The following TPTE variants were observed in gnomAD, a reference collection of about 807,000 sequenced individuals.
TPTE encodes the protein putative tyrosine-protein phosphatase TPTE.
TPTE carries 59 observed loss-of-function variants against 84.1 expected under a neutral mutation model. The observed-to-expected ratio is 0.70, with a 90% confidence interval of 0.57 to 0.87. The LOEUF (loss-of-function observed/expected upper bound fraction) is 0.87. TPTE is among the 40% of genes least tolerant of loss of function. The pLI, the probability that TPTE is intolerant of heterozygous loss-of-function variation, is 0.00. For synonymous variants in TPTE, 130 were observed against 223.5 expected (o/e 0.58, Z 3.73); for missense variants, 382 against 659.6 (o/e 0.58, Z 4.61).
intron 5 of TPTE, among the ~76,000 whole-genome samples, chr21:10,542,084 T>G (rs1237919736): frequency 3.3e-5 from 5 of 152,308 alleles, no homozygotes; most frequent in African/African-American, 4.8e-5. Context: ...GCTGACTACC[T>G]ACAAATTGGA....
rs542390363 is a variant in TPTE at position 10,560,222 on chromosome 21, C to T, written c.284+678C>T. On this transcript the variant is annotated intron_variant, in intron 9 of 23. Transcript: ENST00000618007. ...TATTAGTAAAGTGTTTTATTAGTACCTTATACATCAGGAATTACTCTTTAA... is the reference window on the plus strand; with the variant it reads ...TATTAGTAAAGTGTTTTATTAGTACTTTATACATCAGGAATTACTCTTTAA... Among the ~76,000 whole-genome samples the T allele has an allele frequency of 2.0e-5, 3 of 152,418 alleles. No individual in the cohort carries two copies. In the South Asian group the frequency reaches 6.2e-4, roughly 32 times the overall value.
intron 1 of TPTE, among the ~76,000 whole-genome samples, chr21:10,523,117 T>G (rs1243118403): frequency 6.6e-6 from 1 of 152,306 alleles, no homozygotes; most frequent in African/African-American, 2.4e-5. Context: ...AGCTGAACAC[T>G]TGATGTAAAC....
At chr21:10,586,829 C>T (rs1475429082) in intron 17 of TPTE, among the ~76,000 whole-genome samples, 1 of 152,428 alleles carries the variant, frequency 6.6e-6, no homozygotes, top group South Asian at 2.1e-4. Flanking sequence ...TTACTTACTA[C>T]ACTGACTTTC....
intron 10 of TPTE, 137 bp from the exon 11 acceptor site, chr21:10,567,533 A>C: frequency 3.4e-6 from 5 of 1,468,292 alleles, no homozygotes; most frequent in Non-Finnish European, 4.6e-6. Context: ...CCCTTAGTCT[A>C]CTCTAGAAAA....
intron 17 of TPTE, among the ~76,000 whole-genome samples, chr21:10,585,986 C>T (rs2075356822): frequency 6.6e-6 from 1 of 152,300 alleles, no homozygotes; most frequent in South Asian, 2.1e-4. Context: ...AGTAGTCTTA[C>T]CACGGATTTA....
At chr21:10,540,384 T>A (rs1427488093) in intron 4 of TPTE, among the ~76,000 whole-genome samples, 1 of 152,426 alleles carries the variant, frequency 6.6e-6, no homozygotes, top group South Asian at 2.1e-4. Flanking sequence ...ATTGTTTTGT[T>A]TTTTGGATGG....
chr21:10,558,584 G>A (rs1407015957), intron 8 of TPTE, among the ~76,000 whole-genome samples: 2 of 152,306 alleles, frequency 1.3e-5, no homozygotes, highest in African/African-American at 2.4e-5. Context: ...AAGGCCAATT[G>A]TCAGTGCCCC....
At chr21:10,558,946 G>A (rs1218955527) in intron 8 of TPTE, among the ~76,000 whole-genome samples, 11 of 152,304 alleles carry the variant, frequency 7.2e-5, no homozygotes, top group Admixed American at 7.2e-4. Flanking sequence ...CTCCTTTGAA[G>A]TATATCTTAC....
chr21:10,563,376 A>G (rs1215406450), intron 10 of TPTE, among the ~76,000 whole-genome samples: 2 of 152,312 alleles, frequency 1.3e-5, no homozygotes, highest in East Asian at 1.9e-4. Flanking sequence ...CACTGTAACT[A>G]TGATGTATAA....
intron 14 of TPTE, among the ~76,000 whole-genome samples, chr21:10,576,838 C>CAT (rs56285862): frequency 0.047 from 6,268 of 132,900 alleles, 1 homozygote; most frequent in Non-Finnish European, 0.067. Context: ...TACATATATA[C>CAT]ATATATATAT....
intron 7 of TPTE, among the ~76,000 whole-genome samples, chr21:10,544,331 T>G (rs546088308): frequency 6.6e-6 from 1 of 152,428 alleles, no homozygotes; most frequent in African/African-American, 2.4e-5. Flanking sequence ...AATAAATTTT[T>G]AAAAGAATTT....
chr21:10,531,863 T>C (rs569150386), intron 3 of TPTE, among the ~76,000 whole-genome samples: 1 of 152,428 alleles, frequency 6.6e-6, no homozygotes, highest in African/African-American at 2.4e-5. Flanking sequence ...GGTGGGGATT[T>C]GGTTTCATTT....
chr21:10,586,301 G>GT (rs58633013), intron 17 of TPTE, among the ~76,000 whole-genome samples: 3,568 of 148,980 alleles, frequency 0.024, no homozygotes, highest in South Asian at 0.034. Context: ...CTTTGTGCTT[G>GT]TTTTTTTTTT....
At chr21:10,549,565 C>T (rs1278029990) in intron 7 of TPTE, among the ~76,000 whole-genome samples, 1 of 152,300 alleles carries the variant, frequency 6.6e-6, no homozygotes, top group Non-Finnish European at 1.5e-5. Flanking sequence ...AAAATACAAT[C>T]AATGGCTTTA....
intron 2 of TPTE, among the ~76,000 whole-genome samples, chr21:10,525,302 C>G (rs1258744278): frequency 6.6e-6 from 1 of 152,304 alleles, no homozygotes; most frequent in Non-Finnish European, 1.5e-5. Flanking sequence ...ACAGCCCACC[C>G]TTGCATAAAC....
intron 7 of TPTE, among the ~76,000 whole-genome samples, chr21:10,551,082 C>A (rs1347556915): frequency 6.6e-6 from 1 of 152,302 alleles, no homozygotes; most frequent in Non-Finnish European, 1.5e-5. Context: ...TATACCAAAA[C>A]AGGGGACGCA....
chr21:10,590,497 G>T lies in TPTE; in HGVS notation c.1063G>T (p.Ala355Ser), dbSNP rs757306400. ...AACTATGGTTTGTGCCTTCCTTATT[G>T]CCTCTGAAATATGTTCAACTGCAAA... is the stretch of plus-strand genomic sequence containing the variant. ...TGTMVCAFLI[A>S]SEICSTAKES... Residue 355 changes from alanine (A) to serine (S), a missense_variant, in exon 18 of 24, where the codon GCC (alanine) becomes TCC (serine). Coordinates refer to ENST00000618007, the MANE Select transcript of TPTE (RefSeq NM_199261.4). The T allele has an allele frequency of 1.2e-6, 2 of 1,613,960 alleles. No individual in the cohort carries two copies. The highest frequency in any genetic ancestry group is 1.7e-6 in the Non-Finnish European group (2 of 1,179,912).
At chr21:10,544,444 G>A (rs1310801332) in intron 7 of TPTE, among the ~76,000 whole-genome samples, 7 of 152,308 alleles carry the variant, frequency 4.6e-5, no homozygotes, top group Non-Finnish European at 1.0e-4. Context: ...GCGTGCAGTG[G>A]CGTGATCTCG....
At chr21:10,540,116 A>G (rs1293213275) in intron 4 of TPTE, among the ~76,000 whole-genome samples, 5 of 152,312 alleles carry the variant, frequency 3.3e-5, no homozygotes, top group African/African-American at 1.2e-4. Flanking sequence ...ATGTTGTCTT[A>G]GTATGTACAT....
Sources: gnomAD v4.1 joint callset for allele counts (sites outside exome capture counted in the v4.1 genomes callset) on GRCh38, gnomAD v4.1.1 for gene constraint, MANE v1.5 for transcripts, NCBI Gene and HGNC (gene_info 2026-07-23, HGNC 2026-07-21) for gene names.